CHD3: variants seen among roughly 807,000 people sequenced by gnomAD.
The protein encoded by CHD3 is chromodomain helicase DNA binding protein 3, also known as ATP-dependent chromatin remodeler CHD3.
CHD3 carries 52 observed loss-of-function variants against 248.9 expected under a neutral mutation model. That is an observed-to-expected ratio of 0.21 (90% CI 0.17 to 0.26). The LOEUF is 0.26. Among genes scored for constraint, CHD3 ranks in the 10% least tolerant of loss-of-function variants. The pLI, the probability that CHD3 is intolerant of heterozygous loss-of-function variation, is 1.00. For missense variants in CHD3, 1,482 were observed against 2,605.8 expected, an observed-to-expected ratio of 0.57 and a Z score of 9.39; for synonymous variants, 985 against 985.2, an observed-to-expected ratio of 1.00 and a Z score of 0.00.
rs1414274432 is a variant in CHD3, at chr17:7,891,085, C to T, written c.509+21C>T. ...ATGAGGTGCGGTAAGACTGGGGAAT[C>T]CTCGCTAATTGACACTTTTAATTTG... On this transcript the variant is annotated intron_variant, in intron 4 of 39. Transcript: ENST00000330494. 1.9e-6 allele frequency: 3 copies of T among 1,611,654 alleles called. No homozygotes were observed. The South Asian group carries it at 3.3e-5, about 18-fold the overall frequency.
At chr17:7,890,511 G>A (rs1968687154) in intron 2 of CHD3, 60 bp from the exon 3 acceptor site, 2 of 1,226,122 alleles carry the variant, frequency 1.6e-6, no homozygotes, top group South Asian at 1.5e-5. Context: ...GGTATGTGCT[G>A]AGAACAGTTT....
In CHD3 at chr17:7,906,451, ATTTGGGGG is replaced by A. The variant is rs1360855171; in HGVS notation, c.4359-92_4359-85del. On this transcript the variant is annotated intron_variant, in intron 28 of 39. Coordinates refer to ENST00000330494, the MANE Select transcript of CHD3 (RefSeq NM_001005273.3). This position sits in a 1 kb window ranked among gnomAD's most constrained non-coding sequence, Gnocchi z 5.0. ...GGGAGGAGCCCTGGAGCACCTGGGG[ATTTGGGGG>A]TTTGGGGGTCCTCAGTCATCCTCGC... 4.0e-6 allele frequency: 5 copies of A among 1,248,666 alleles called. No homozygotes were observed. The highest frequency in any genetic ancestry group is 2.3e-5 in the East Asian group (1 of 43,032). 77.3% of individuals were successfully genotyped at this position (1,248,666 alleles called of 1,614,324 possible). A position where few individuals can be genotyped will look rare whatever the true frequency, so the allele number is the denominator to read the frequency against.
rs1968469006 is a variant in CHD3, at chr17:7,889,251, T to TC, written c.100+153dup. The TC allele has an allele frequency of 2.0e-6, 2 of 991,530 alleles. No homozygotes were observed. The highest frequency in any genetic ancestry group is 3.0e-6 in the Non-Finnish European group (2 of 677,616). 61.4% of individuals were successfully genotyped at this position (991,530 alleles called of 1,614,324 possible). ...GAGCTGCCAGCTTGTGTCTCCCCACTCCAAGTGCTGGGGTCAGGCCAGGCC... is the reference window on the plus strand; with the variant it reads ...GAGCTGCCAGCTTGTGTCTCCCCACTCCCAAGTGCTGGGGTCAGGCCAGGCC... On this transcript the variant is annotated intron_variant, in intron 1 of 39. Coordinates refer to ENST00000330494, the MANE Select transcript of CHD3 (RefSeq NM_001005273.3). This position sits in a 1 kb window ranked among gnomAD's most constrained non-coding sequence, Gnocchi z 4.5.
Position 7,898,558 on chromosome 17 carries a change from T to C in CHD3, c.2114T>C (p.Leu705Pro). 6.2e-7 allele frequency: 1 copy of C among 1,613,816 alleles called. No individual in the cohort carries two copies. Among genetic ancestry groups the C allele is most frequent in the Admixed American group, 1.7e-5 (1 of 59,992 alleles). The change falls in exon 13 of 40, where the codon CTA (leucine) becomes CCA (proline). Residue 705 changes from leucine (L) to proline (P), a missense_variant. Leu to Pro is a moderately conservative substitution (Grantham distance 98). Coordinates refer to ENST00000330494, the MANE Select transcript of CHD3 (RefSeq NM_001005273.3). ...PRKYKKKKKE[L>P]QGDGPPSSPT... ...AAGTATAAGAAGAAGAAGAAGGAGC[T>C]ACAGGGTGATGGGCCTCCCAGTTCT...
In CHD3 at chr17:7,911,932, G is replaced by A. The variant is rs889304110; in HGVS notation, c.*347G>A. 5.7e-5 allele frequency: 22 copies of A among 386,660 alleles called. No individual in the cohort carries two copies. Among genetic ancestry groups the A allele is most frequent in the Admixed American group, 3.1e-4 (8 of 26,228 alleles). The allele number at this position is 386,660 out of a possible 1,614,324, so 24.0% of individuals were successfully genotyped here. On this transcript the variant is annotated 3_prime_UTR_variant, in exon 40 of 40. Coordinates refer to ENST00000330494, the MANE Select transcript of CHD3 (RefSeq NM_001005273.3). The surrounding 1 kb of genome is among the most constrained non-coding windows in gnomAD (Gnocchi z 5.4). Reference sequence around the variant, plus strand: ...GGAAAGAGGTGGAGCCTCCCCAGCCGTTTCCCTGCAGAATCAGCTCTGTCT... The same window carrying A: ...GGAAAGAGGTGGAGCCTCCCCAGCCATTTCCCTGCAGAATCAGCTCTGTCT...
intron 6 of CHD3, 79 bp from the exon 7 acceptor site, chr17:7,894,036 T>TCCAGAGACAGGGATGCGTGAG (rs1555608593): frequency 8.7e-7 from 1 of 1,153,698 alleles, no homozygotes; most frequent in Admixed American, 2.7e-5. Flanking sequence ...CCGTGAGGGA[T>TCCAGAGACAGGGATGCGTGAG]GGCGGAACAG....
rs775301861 is a variant in CHD3 at position 7,894,242 on chromosome 17, G to A, written c.1052G>A (p.Arg351Gln). 5.6e-6 allele frequency: 9 copies of A among 1,614,010 alleles called. No individual in the cohort carries two copies. The highest frequency in any genetic ancestry group is 2.2e-5 in the South Asian group (2 of 91,076). ...PVRTKKLKRG[R>Q]PGRKKKKVLG... Reference sequence around the variant, plus strand: ...CGCACCAAGAAACTAAAGAGAGGCCGGCCAGGAAGGAAGAAGAAGAAGGGT... The same window carrying A: ...CGCACCAAGAAACTAAAGAGAGGCCAGCCAGGAAGGAAGAAGAAGAAGGGT... The change falls in exon 7 of 40, where the codon CGG becomes CAG. Residue 351 changes from arginine to glutamine, a missense_variant. This residue lies in a region of CHD3 where 138 missense variants were observed against 241.1 expected (regional missense o/e 0.57). Coordinates refer to ENST00000330494, the MANE Select transcript of CHD3 (RefSeq NM_001005273.3).
In CHD3 at chr17:7,906,322, G is replaced by A. The variant is rs980584606; in HGVS notation, c.4359-231G>A. 6 of 675,464 alleles carry A rather than the reference G, an allele frequency of 8.9e-6. No homozygotes were observed. The African/African-American group carries it at 1.1e-4, about 12-fold the overall frequency. 41.8% of individuals were successfully genotyped at this position (675,464 alleles called of 1,614,324 possible). A position where few individuals can be genotyped will look rare whatever the true frequency, so the allele number is the denominator to read the frequency against. On this transcript the variant is annotated intron_variant, in intron 28 of 39. Coordinates refer to ENST00000330494, the MANE Select transcript of CHD3 (RefSeq NM_001005273.3). The surrounding 1 kb of genome is among the most constrained non-coding windows in gnomAD (Gnocchi z 5.0). ...AAAGGATGAAGAGCTGACTGATGGG[G>A]CCCAGGAATTAAGTACCAAGGCCAA...
Position 7,901,240 on chromosome 17 carries a change from T to G in CHD3, c.3121-4T>G, listed in dbSNP as rs1435179844. Reference sequence around the variant, plus strand: ...CCTCCTCCTCCTCTCTCCTCCCTTTTCAGGAGTCCCCCAAACTCCCCAGTG... The same window carrying G: ...CCTCCTCCTCCTCTCTCCTCCCTTTGCAGGAGTCCCCCAAACTCCCCAGTG... On this transcript the variant is annotated splice_polypyrimidine_tract_variant and splice_region_variant and intron_variant, in intron 19 of 39. Transcript: ENST00000330494. 26 of 1,596,208 alleles carry G rather than the reference T, an allele frequency of 1.6e-5. No individual in the cohort carries two copies. The highest frequency in any genetic ancestry group is 2.1e-5 in the Non-Finnish European group (25 of 1,169,664).
chr17:7,889,005 A>T lies in CHD3; in HGVS notation c.5A>T (p.Lys2Met). The change falls in exon 1 of 40, where the codon AAG becomes ATG. Residue 2 changes from lysine to methionine, a missense_variant. Lys to Met is a moderately conservative substitution (Grantham distance 95). Around this residue, in one of 20 missense-constraint regions of CHD3, gnomAD observed 169 missense variants for 168.1 expected, o/e 1.01. Transcript: ENST00000330494. This position sits in a 1 kb window ranked among gnomAD's most constrained non-coding sequence, Gnocchi z 4.5. ...GTGGAGACTTTCTCCTGTGTGATGA[A>T]GGCGGCAGACACTGTGATCCTGTGG... The part of the protein sequence containing the change: M[K>M]AADTVILWAR... 6 of 1,614,212 alleles carry T rather than the reference A, an allele frequency of 3.7e-6. No individual in the cohort carries two copies. Among genetic ancestry groups the T allele is most frequent in the Non-Finnish European group, 5.1e-6 (6 of 1,180,044 alleles).
chr17:7,885,006 C>A, upstream of CHD3: 1 of 1,238,042 alleles, frequency 8.1e-7, no homozygotes, highest in Non-Finnish European at 1.0e-6. Flanking sequence ...CGCCACAGCC[C>A]CCCCGGCTGC....
Position 7,899,076 on chromosome 17 carries a change from T to C in CHD3, c.2217T>C (p.Tyr739=), listed in dbSNP as rs767155506. ...ITATGGTLHM[Y]QLEGLNWLRF... is the part of the protein sequence containing the mutation. Reference sequence around the variant, plus strand: ...CCACTGGAGGCACCCTGCACATGTATCAGTTGGAAGGGCTGAACTGGCTAC... The same window carrying C: ...CCACTGGAGGCACCCTGCACATGTACCAGTTGGAAGGGCTGAACTGGCTAC... The change falls in exon 14 of 40, where the codon TAT becomes TAC. Residue 739 remains tyrosine (Y), a synonymous_variant. Coordinates refer to ENST00000330494, the MANE Select transcript of CHD3 (RefSeq NM_001005273.3). This position sits in a 1 kb window ranked among gnomAD's most constrained non-coding sequence, Gnocchi z 6.8. The C allele has an allele frequency of 6.2e-7, 1 of 1,613,968 alleles. No homozygotes were observed. The highest frequency in any genetic ancestry group is 8.5e-7 in the Non-Finnish European group (1 of 1,180,022).
chr17:7,893,802 C>G lies in CHD3; in HGVS notation c.794-3C>G. On this transcript the variant is annotated splice_region_variant and splice_polypyrimidine_tract_variant and intron_variant, in intron 5 of 39. Coordinates refer to ENST00000330494, the MANE Select transcript of CHD3 (RefSeq NM_001005273.3). Reference sequence around the variant, plus strand: ...CCTCTTCTCACCCCGACTCCTCATTCAGGTCCAGGCCATAAGAGGCGGAGT... The same window carrying G: ...CCTCTTCTCACCCCGACTCCTCATTGAGGTCCAGGCCATAAGAGGCGGAGT... 2 of 1,613,414 alleles carry G rather than the reference C, an allele frequency of 1.2e-6. No individual in the cohort carries two copies. The highest frequency in any genetic ancestry group is 1.7e-6 in the Non-Finnish European group (2 of 1,179,878).
chr17:7,891,110 G>T (rs985396968), intron 4 of CHD3, 46 bp downstream of exon 4: 1 of 1,606,630 alleles, frequency 6.2e-7, no homozygotes, highest in Non-Finnish European at 8.5e-7. Context: ...CTTTTAATTT[G>T]AGGGAGGTCC....
At chr17:7,901,597 G>A (rs1970327386) in intron 20 of CHD3, among the ~76,000 whole-genome samples, 1 of 144,184 alleles carries the variant, frequency 6.9e-6, no homozygotes, top group African/African-American at 2.6e-5. Context: ...TGCAACCTCT[G>A]CTTCCTGGGT....
Position 7,910,867 on chromosome 17 carries a change from C to T in CHD3, c.5775C>T (p.Tyr1925=), listed in dbSNP as rs542443924. 8.1e-6 allele frequency: 13 copies of T among 1,610,206 alleles called. No individual in the cohort carries two copies. The highest frequency in any genetic ancestry group is 5.4e-5 in the African/African-American group (4 of 74,598). The change falls in exon 39 of 40, where the codon TAC becomes TAT. Residue 1925 remains tyrosine (Y), a synonymous_variant. Coordinates refer to ENST00000330494, the MANE Select transcript of CHD3 (RefSeq NM_001005273.3). The surrounding 1 kb of genome is among the most constrained non-coding windows in gnomAD (Gnocchi z 4.7). ...HPTPAYPPGP[Y]ATPPGYGAAF... The stretch of plus-strand genomic sequence containing the variant: ...TCCAGGCCTACCCGCCGGGTCCCTA[C>T]GCTACACCTCCGGGGTACGGGGCGG...
rs781610390 is a variant in CHD3, at chr17:7,907,140, A to G, written c.4681A>G (p.Ser1561Gly). The part of the protein sequence containing the change: ...CTSKPATPAP[S>G]EKGEGIRTPL... ...TTCCCCTGCAGCTACTCCAGCTCCAAGTGAGAAAGGAGAAGGCATAAGGAC... is the reference window on the plus strand; with the variant it reads ...TTCCCCTGCAGCTACTCCAGCTCCAGGTGAGAAAGGAGAAGGCATAAGGAC... Residue 1561 changes from serine to glycine, a missense_variant, in exon 31 of 40, where the codon AGT becomes GGT. This residue lies in a region of CHD3 where 254 missense variants were observed against 266.7 expected (regional missense o/e 0.95). Coordinates refer to ENST00000330494, the MANE Select transcript of CHD3 (RefSeq NM_001005273.3). This position sits in a 1 kb window ranked among gnomAD's most constrained non-coding sequence, Gnocchi z 4.3. 1.9e-6 allele frequency: 3 copies of G among 1,614,080 alleles called. No individual in the cohort carries two copies. Among genetic ancestry groups the G allele is most frequent in the South Asian group, 1.1e-5 (1 of 91,090 alleles).
chr17:7,910,384 C>T lies in CHD3; in HGVS notation c.5591-44C>T, dbSNP rs1271655272. ...TTTCCTGGCTCCATCTCTGTATTTC[C>T]CTGTCTTTCTCTTGCCCTTCTTTCT... On this transcript the variant is annotated intron_variant, in intron 37 of 39. Coordinates refer to ENST00000330494, the MANE Select transcript of CHD3 (RefSeq NM_001005273.3). This position sits in a 1 kb window ranked among gnomAD's most constrained non-coding sequence, Gnocchi z 4.7. 6.2e-7 allele frequency: 1 copy of T among 1,613,126 alleles called. No homozygotes were observed. The highest frequency in any genetic ancestry group is 8.5e-7 in the Non-Finnish European group (1 of 1,179,364).
intron 2 of CHD3, 65 bp from the exon 3 acceptor site, chr17:7,890,506 G>A: frequency 2.6e-6 from 3 of 1,140,420 alleles, no homozygotes; most frequent in African/African-American, 1.6e-5. Context: ...GATATGGTAT[G>A]TGCTGAGAAC....
Sources: gnomAD v4.1 joint callset for allele counts (sites outside exome capture counted in the v4.1 genomes callset) on GRCh38, gnomAD v4.1.1 for gene constraint, gnomAD v4.1.1 regional missense constraint, Gnocchi (gnomAD v3.1) non-coding constraint, MANE v1.5 for transcripts, NCBI Gene and HGNC (gene_info 2026-07-23, HGNC 2026-07-21) for gene names.